LRP1B: variants seen among roughly 807,000 people sequenced by gnomAD.
LRP1B encodes LDL receptor related protein 1B.
Under a neutral mutation model 556.6 loss-of-function variants are expected in LRP1B, and 217 were observed. That is an observed-to-expected ratio of 0.39 (90% CI 0.35 to 0.44). The LOEUF (loss-of-function observed/expected upper bound fraction) is 0.44, where lower values mean the gene tolerates loss of function less well. LRP1B is among the 20% of genes least tolerant of loss of function. The pLI is 1.00. For synonymous variants in LRP1B, 2,047 were observed against 1,865.8 expected, an observed-to-expected ratio of 1.10 and a Z score of -2.50; for missense variants, 5,053 against 5,620.8, an observed-to-expected ratio of 0.90 and a Z score of 3.23.
At chr2:141,656,667 T>C (rs1204857624) in intron 2 of LRP1B, among the ~76,000 whole-genome samples, 1 of 152,184 alleles carries the variant, frequency 6.6e-6, no homozygotes, top group Non-Finnish European at 1.5e-5. Flanking sequence ...TGCTTTTAAA[T>C]GATATTTCAA....
intron 16 of LRP1B, among the ~76,000 whole-genome samples, chr2:140,990,725 C>G (rs2105354627): frequency 6.6e-6 from 1 of 152,214 alleles, no homozygotes; most frequent in Admixed American, 6.5e-5. Flanking sequence ...TGTTAACCTT[C>G]TATGATTATT....
chr2:140,600,130 T>C (rs1574127416), intron 42 of LRP1B, among the ~76,000 whole-genome samples: 1 of 152,064 alleles, frequency 6.6e-6, no homozygotes, highest in East Asian at 1.9e-4. Context: ...ATAAAACACT[T>C]GCTAATTAAA....
intron 1 of LRP1B, among the ~76,000 whole-genome samples, chr2:141,841,071 C>G (rs1697455914): frequency 6.6e-6 from 1 of 152,108 alleles, no homozygotes; most frequent in Non-Finnish European, 1.5e-5. Context: ...TTAGCAGTCT[C>G]TCAGCAATTG....
chr2:140,251,198 T>C (rs1681396786), intron 86 of LRP1B, among the ~76,000 whole-genome samples: 1 of 151,822 alleles, frequency 6.6e-6, no homozygotes, highest in African/African-American at 2.4e-5. Context: ...TTTTAGAATA[T>C]CAAAATAAGT....
At chr2:141,752,380 A>G (rs1694145918) in intron 2 of LRP1B, among the ~76,000 whole-genome samples, 1 of 152,170 alleles carries the variant, frequency 6.6e-6, no homozygotes, top group Non-Finnish European at 1.5e-5. Flanking sequence ...GGCCTGGCAT[A>G]CTAAGGAATT....
At chr2:141,485,159 A>C (rs371597893) in intron 2 of LRP1B, among the ~76,000 whole-genome samples, 1 of 152,136 alleles carries the variant, frequency 6.6e-6, no homozygotes, top group Non-Finnish European at 1.5e-5. Flanking sequence ...GGAGAACTAA[A>C]GAGTTAGTTG....
At chr2:141,602,301 A>G (rs1203620659) in intron 2 of LRP1B, among the ~76,000 whole-genome samples, 1 of 152,114 alleles carries the variant, frequency 6.6e-6, no homozygotes, top group Non-Finnish European at 1.5e-5. Context: ...GCATGAAAAT[A>G]TGTTTTCGGG....
intron 14 of LRP1B, among the ~76,000 whole-genome samples, chr2:141,009,456 T>A (rs2105379312): frequency 6.6e-6 from 1 of 152,072 alleles, no homozygotes; most frequent in Admixed American, 6.6e-5. Flanking sequence ...TTGACATGCT[T>A]TGAAGCCACT....
At chr2:141,662,683 G>A (rs573540913) in intron 2 of LRP1B, among the ~76,000 whole-genome samples, 1 of 152,062 alleles carries the variant, frequency 6.6e-6, no homozygotes, top group Non-Finnish European at 1.5e-5. Flanking sequence ...CATAAAATGA[G>A]TTCTTAGAGA....
At chr2:141,233,443 G>T (rs1261412706) in intron 5 of LRP1B, among the ~76,000 whole-genome samples, 1 of 152,086 alleles carries the variant, frequency 6.6e-6, no homozygotes, top group South Asian at 2.1e-4. Flanking sequence ...TAAATGATTT[G>T]ATTTTTCCTG....
intron 2 of LRP1B, among the ~76,000 whole-genome samples, chr2:141,583,005 T>C (rs1687005326): frequency 1.3e-5 from 2 of 151,860 alleles, no homozygotes; most frequent in South Asian, 4.2e-4. Context: ...CTGGCTAATT[T>C]TTTTGTATTT....
At chr2:141,044,902 C>T (rs976627999) in intron 11 of LRP1B, among the ~76,000 whole-genome samples, 6 of 151,392 alleles carry the variant, frequency 4.0e-5, no homozygotes, top group African/African-American at 1.5e-4. Context: ...CCATTTGACC[C>T]AGCCATCCCA....
intron 2 of LRP1B, among the ~76,000 whole-genome samples, chr2:141,589,940 AT>A (rs1439213708): frequency 2.6e-5 from 4 of 152,186 alleles, no homozygotes; most frequent in Non-Finnish European, 5.9e-5. Flanking sequence ...ATTTTTTGAA[AT>A]TTGATTTAAG....
intron 2 of LRP1B, among the ~76,000 whole-genome samples, chr2:141,773,179 T>C (rs565570257): frequency 3.3e-5 from 5 of 152,332 alleles, no homozygotes; most frequent in African/African-American, 1.2e-4. Flanking sequence ...TCCTTCATAT[T>C]ATGACATTAT....
At chr2:141,782,006 G>A (rs1695271047) in intron 2 of LRP1B, among the ~76,000 whole-genome samples, 1 of 152,018 alleles carries the variant, frequency 6.6e-6, no homozygotes, top group South Asian at 2.1e-4. Context: ...TTGGAAGTTG[G>A]TCTCTGACCT....
chr2:141,523,349 G>C (rs1559120190), intron 2 of LRP1B, among the ~76,000 whole-genome samples: 3 of 152,040 alleles, frequency 2.0e-5, no homozygotes, highest in Admixed American at 6.6e-5. Flanking sequence ...CATGCTGCTT[G>C]AGATCACATC....
intron 60 of LRP1B, among the ~76,000 whole-genome samples, chr2:140,462,931 G>C (rs545121553): frequency 6.6e-6 from 1 of 152,050 alleles, no homozygotes; most frequent in South Asian, 2.1e-4. Context: ...AATTTCCCCT[G>C]ATATTTTTCT....
chr2:141,606,875 T>C (rs988029359), intron 2 of LRP1B, among the ~76,000 whole-genome samples: 1 of 152,160 alleles, frequency 6.6e-6, no homozygotes, highest in Non-Finnish European at 1.5e-5. Flanking sequence ...AGGAATATAT[T>C]AAAAATACAG....
chr2:141,373,264 A>ACTCT (rs2105596509), intron 3 of LRP1B, among the ~76,000 whole-genome samples: 1 of 152,138 alleles, frequency 6.6e-6, no homozygotes, highest in East Asian at 1.9e-4. Context: ...TGTGGCCTAA[A>ACTCT]CTCTAGTCTA....
Sources: allele counts gnomAD v4.1 joint callset (sites outside exome capture counted in the v4.1 genomes callset), GRCh38; gene constraint gnomAD v4.1.1; transcripts MANE v1.5; gene names NCBI Gene and HGNC (gene_info 2026-07-23, HGNC 2026-07-21).